PDGFRA: variants seen among roughly 807,000 people sequenced by gnomAD.
The protein encoded by PDGFRA is platelet derived growth factor receptor alpha.
In PDGFRA, 25 loss-of-function variants were observed where a neutral mutation model predicts 121.5. That is an observed-to-expected ratio of 0.21 (90% CI 0.15 to 0.29). PDGFRA has a LOEUF of 0.29. Among genes scored for constraint, PDGFRA ranks in the 10% least tolerant of loss-of-function variants. The probability of loss-of-function intolerance (pLI) is 1.00; values close to 1 mark genes in which losing one functional copy is unlikely to be tolerated. For missense variants in PDGFRA, 1,008 were observed against 1,345.1 expected, an observed-to-expected ratio of 0.75 and a Z score of 3.92; for synonymous variants, 463 against 494.8, an observed-to-expected ratio of 0.94 and a Z score of 0.85.
At chr4:54,290,646 C>A in intron 22 of PDGFRA, 92 bp downstream of exon 22, 1 of 1,431,250 alleles carries the variant, frequency 7.0e-7, no homozygotes, top group Non-Finnish European at 9.8e-7. Context: ...GGTGCACTCC[C>A]GGTTGGTAAA....
intron 1 of PDGFRA, among the ~76,000 whole-genome samples, chr4:54,237,262 G>T (rs534355868): frequency 2.0e-5 from 3 of 152,258 alleles, no homozygotes; most frequent in African/African-American, 7.2e-5. Flanking sequence ...GAGCCACCAC[G>T]CCCGGCCTCA....
chr4:54,256,429 G>T (rs1265475547), intron 1 of PDGFRA, among the ~76,000 whole-genome samples: 1 of 151,648 alleles, frequency 6.6e-6, no homozygotes, highest in African/African-American at 2.4e-5. Context: ...GTAGAGATGG[G>T]GTTTCACCAT....
chr4:54,286,063 C>A (rs2110338897), intron 18 of PDGFRA, 100 bp downstream of exon 18: 2 of 1,255,080 alleles, frequency 1.6e-6, no homozygotes, highest in African/African-American at 1.5e-5. Context: ...TTTTTTAAAA[C>A]ATCAATAGAT....
chr4:54,240,050 G>T (rs1248460943), intron 1 of PDGFRA: 7 of 420,452 alleles, frequency 1.7e-5, no homozygotes, highest in African/African-American at 1.2e-4. Context: ...ACGGGGTTTT[G>T]CCATGCTGCC....
intron 18 of PDGFRA, 81 bp downstream of exon 18, chr4:54,286,044 C>T (rs768015743): frequency 6.0e-5 from 85 of 1,419,444 alleles, no homozygotes; most frequent in South Asian, 9.2e-5. Context: ...TCTAGAGATT[C>T]GGTGCCTGTT....
At chr4:54,234,711 G>A (rs560004352) in intron 1 of PDGFRA, among the ~76,000 whole-genome samples, 2 of 152,216 alleles carry the variant, frequency 1.3e-5, no homozygotes, top group East Asian at 3.9e-4. Flanking sequence ...GGTAGTGGGG[G>A]GGCATTGATG....
intron 1 of PDGFRA, among the ~76,000 whole-genome samples, chr4:54,239,642 T>C (rs1199366878): frequency 6.6e-6 from 1 of 152,196 alleles, no homozygotes; most frequent in Non-Finnish European, 1.5e-5. Context: ...TTTGGCTCCT[T>C]TGTCCTTCCT....
Position 54,288,662 on chromosome 4 carries a change from A to C in PDGFRA, c.2675-137A>C. 3 of 723,606 alleles carry C rather than the reference A, an allele frequency of 4.1e-6. No individual in the cohort carries two copies. The South Asian group carries it at 4.4e-5, about 11-fold the overall frequency. The allele number at this position is 723,606 out of a possible 1,614,324, so 44.8% of individuals were successfully genotyped here. On this transcript the variant is annotated intron_variant, in intron 19 of 22. Coordinates refer to ENST00000257290, the MANE Select transcript of PDGFRA (RefSeq NM_006206.6). ...TCTCTGAAGTCAAGGAGATGATGAC[A>C]CTGAATTTTCTTGAAAAAACCAGTG...
chr4:54,273,269 G>A (rs1039262872), intron 9 of PDGFRA, among the ~76,000 whole-genome samples: 1 of 152,120 alleles, frequency 6.6e-6, no homozygotes, highest in Non-Finnish European at 1.5e-5. Flanking sequence ...TTCAAGATTG[G>A]GGAATGGTAG....
chr4:54,277,394 T>C lies in PDGFRA; in HGVS notation c.1793T>C (p.Val598Ala), dbSNP rs757608100. Residue 598 changes from valine (V) to alanine (A), a missense_variant, in exon 13 of 23, where the codon GTC (valine) becomes GCC (alanine). Physicochemically the swap from Val to Ala is moderately conservative, Grantham distance 64. Transcript: ENST00000257290. ...TGATTCTGCCTGCCCACAGGTCGGG[T>C]CTTGGGGTCTGGAGCGTTTGGGAAG... ...FPRDGLVLGRVLGSGAFGKVV... is the reference protein window; with the variant it reads ...FPRDGLVLGRALGSGAFGKVV... The C allele has an allele frequency of 3.7e-6, 6 of 1,613,196 alleles. No homozygotes were observed. The Admixed American group carries it at 6.7e-5, about 18-fold the overall frequency.
At chr4:54,252,402 G>T (rs1180161656) in intron 1 of PDGFRA, among the ~76,000 whole-genome samples, 1 of 152,104 alleles carries the variant, frequency 6.6e-6, no homozygotes, top group Non-Finnish European at 1.5e-5. Flanking sequence ...TAATCTTCCA[G>T]ATTTCACCTT....
intron 1 of PDGFRA, among the ~76,000 whole-genome samples, chr4:54,233,630 C>G (rs1224295435): frequency 1.3e-5 from 2 of 152,232 alleles, no homozygotes; most frequent in Non-Finnish European, 2.9e-5. Flanking sequence ...CTCGCAGGCT[C>G]TGTGTGGGCC....
In PDGFRA at chr4:54,265,187, C is replaced by T. The variant is rs1224557330; in HGVS notation, c.759+138C>T. 7.5e-6 allele frequency: 6 copies of T among 795,332 alleles called. No homozygotes were observed. The Admixed American group carries it at 1.2e-4, about 16-fold the overall frequency. 49.3% of individuals were successfully genotyped at this position (795,332 alleles called of 1,614,324 possible). ...TAGCTTCCCACCTCTGGGATGAACACATTTGATTAAATGGCCTTTAGGACT... is the reference window on the plus strand; with the variant it reads ...TAGCTTCCCACCTCTGGGATGAACATATTTGATTAAATGGCCTTTAGGACT... On this transcript the variant is annotated intron_variant, in intron 5 of 22. Transcript: ENST00000257290.
chr4:54,261,532 G>T (rs1722716270), intron 3 of PDGFRA, 120 bp downstream of exon 3: 1 of 620,156 alleles, frequency 1.6e-6, no homozygotes, highest in East Asian at 2.8e-5. Flanking sequence ...TTTGAAAAAT[G>T]TAAGCGAACA....
chr4:54,289,078 G>C lies in PDGFRA; in HGVS notation c.2844G>C (p.Glu948Asp), dbSNP rs1724502571. The change falls in exon 21 of 23, where the codon GAG becomes GAC. Residue 948 changes from glutamate to aspartate, a missense_variant. Glu to Asp is a conservative substitution (Grantham distance 45). Transcript: ENST00000257290. ...GACCCTCCTTTTACCACCTGAGTGA[G>C]ATTGTGGAGAATCTGCTGCCTGGAC... ...EKRPSFYHLS[E>D]IVENLLPGQY... The C allele has an allele frequency of 4.4e-6, 7 of 1,607,412 alleles. No individual in the cohort carries two copies. The highest frequency in any genetic ancestry group is 6.0e-6 in the Non-Finnish European group (7 of 1,173,988).
chr4:54,276,076 C>T (rs545086367), intron 12 of PDGFRA, among the ~76,000 whole-genome samples: 7 of 152,246 alleles, frequency 4.6e-5, no homozygotes, highest in East Asian at 1.9e-4. Flanking sequence ...CCCTGTATTT[C>T]GATGCACCAG....
chr4:54,270,871 A>C, intron 8 of PDGFRA, 123 bp downstream of exon 8: 1 of 699,664 alleles, frequency 1.4e-6, no homozygotes, highest in East Asian at 2.7e-5. Context: ...CAGTGTCTGC[A>C]TATGTCACAT....
chr4:54,253,482 C>A (rs1039660056), intron 1 of PDGFRA, among the ~76,000 whole-genome samples: 5 of 152,138 alleles, frequency 3.3e-5, no homozygotes, highest in Non-Finnish European at 7.3e-5. Flanking sequence ...AAGCACAAGT[C>A]ACCTGCCTGA....
At chr4:54,286,260 A>G (rs1724356856) in intron 18 of PDGFRA, among the ~76,000 whole-genome samples, 1 of 152,178 alleles carries the variant, frequency 6.6e-6, no homozygotes, top group African/African-American at 2.4e-5. Context: ...CAATGAATTC[A>G]TGTAAAGTGC....
Sources: gnomAD v4.1 joint callset for allele counts (sites outside exome capture counted in the v4.1 genomes callset) on GRCh38, gnomAD v4.1.1 for gene constraint, MANE v1.5 for transcripts, NCBI Gene and HGNC (gene_info 2026-07-23, HGNC 2026-07-21) for gene names.